MYO18A: variants seen among roughly 807,000 people sequenced by gnomAD.
MYO18A encodes the protein myosin XVIIIA.
In MYO18A, 78 loss-of-function variants were observed where a neutral mutation model predicts 235.8. The observed-to-expected ratio is 0.33, with a 90% CI of 0.28 to 0.40. MYO18A has a LOEUF of 0.40. Among genes scored for constraint, MYO18A ranks in the 10% least tolerant of loss-of-function variants. The pLI is 1.00. For missense variants in MYO18A, 2,215 were observed against 2,699.3 expected, an observed-to-expected ratio of 0.82 and a Z score of 3.98; for synonymous variants, 977 against 1,077.8, an observed-to-expected ratio of 0.91 and a Z score of 1.83.
chr17:29,162,722 C>A (rs1360491976), intron 2 of MYO18A, among the ~76,000 whole-genome samples: 1 of 152,212 alleles, frequency 6.6e-6, no homozygotes, highest in African/African-American at 2.4e-5. Context: ...AAGTGCTCAA[C>A]AAATGCTTCC....
rs2066781330 is a variant in MYO18A, at chr17:29,106,210, G to A, written c.3441+870C>T. Reference sequence around the variant, plus strand: ...GGTACTGGTGTAGCCACAGGTGGGAGGCTGGAATGGAGGCTGAGGGCCTGT... The same window carrying A: ...GGTACTGGTGTAGCCACAGGTGGGAAGCTGGAATGGAGGCTGAGGGCCTGT... On this transcript the variant is annotated intron_variant, in intron 20 of 41. Coordinates refer to ENST00000527372, the MANE Select transcript of MYO18A (RefSeq NM_078471.4). The surrounding 1 kb of genome is among the most constrained non-coding windows in gnomAD (Gnocchi z 4.6). Among the ~76,000 whole-genome samples the A allele has an allele frequency of 6.6e-6, 1 of 152,158 alleles. No homozygotes were observed. The highest frequency in any genetic ancestry group is 1.5e-5 in the Non-Finnish European group (1 of 68,026).
At position 29,118,312 on chromosome 17, in the gene MYO18A, C is replaced by A; in HGVS notation, c.1893+65G>T. The A allele has an allele frequency of 6.4e-7, 1 of 1,567,172 alleles. No homozygotes were observed. The highest frequency in any genetic ancestry group is 8.7e-7 in the Non-Finnish European group (1 of 1,149,842). Reference sequence around the variant, plus strand: ...CTGGGCTCCCACTATTCCCACAGGACCCATGGAGGCTTCTCCTACCCCCAA... The same window carrying A: ...CTGGGCTCCCACTATTCCCACAGGAACCATGGAGGCTTCTCCTACCCCCAA... On this transcript the variant is annotated intron_variant, in intron 9 of 41. Transcript: ENST00000527372. This position sits in a 1 kb window ranked among gnomAD's most constrained non-coding sequence, Gnocchi z 4.2.
At chr17:29,114,384 A>C (rs2067006565) in intron 14 of MYO18A, 1 of 387,826 alleles carries the variant, frequency 2.6e-6, no homozygotes. Context: ...AATTTCACAC[A>C]ATCATCCTTG....
At chr17:29,076,298 C>T (rs1012878244) in intron 41 of MYO18A, 2 of 141,298 alleles carry the variant, frequency 1.4e-5, no homozygotes, top group Non-Finnish European at 3.0e-5. Flanking sequence ...AGACTTTGGA[C>T]GACTTCACCC....
Position 29,082,448 on chromosome 17 carries a change from TGAG to T in MYO18A, c.5898-13_5898-11del. 1 of 1,611,112 alleles carries T rather than the reference TGAG, an allele frequency of 6.2e-7. No individual in the cohort carries two copies. Among genetic ancestry groups the T allele is most frequent in the Non-Finnish European group, 8.5e-7 (1 of 1,179,036 alleles). On this transcript the variant is annotated splice_polypyrimidine_tract_variant and intron_variant, in intron 40 of 41. Coordinates refer to ENST00000527372, the MANE Select transcript of MYO18A (RefSeq NM_078471.4). ...ATCAGAGTCTCCCTCACTGTAGGGA[TGAG>T]GAGCAGAAAGGTAGACAAGGCATAG...
At chr17:29,101,682 G>A (rs1482205118) in intron 21 of MYO18A, among the ~76,000 whole-genome samples, 2 of 152,182 alleles carry the variant, frequency 1.3e-5, no homozygotes, top group African/African-American at 4.8e-5. Context: ...TCCCGCCGGA[G>A]GACAGCAAAC....
chr17:29,093,085 T>C, intron 32 of MYO18A, 84 bp from the exon 33 acceptor site: 2 of 1,493,650 alleles, frequency 1.3e-6, no homozygotes, highest in Non-Finnish European at 1.8e-6. Context: ...CACCACGTCC[T>C]CATTATCAGT....
In MYO18A at chr17:29,158,046, A is replaced by C. The variant is rs1199545829; in HGVS notation, c.999+7896T>G. The stretch of plus-strand genomic sequence containing the variant: ...TAGGCTCAAGCGATCTGCCCACCTC[A>C]GCCTCCCAAAGTGCTGGGATTATAG... On this transcript the variant is annotated intron_variant, in intron 2 of 41. Coordinates refer to ENST00000527372, the MANE Select transcript of MYO18A (RefSeq NM_078471.4). This position sits in a 1 kb window ranked among gnomAD's most constrained non-coding sequence, Gnocchi z 4.3. Among the ~76,000 whole-genome samples, 1 of 152,148 alleles carries C rather than the reference A, an allele frequency of 6.6e-6. No individual in the cohort carries two copies. Among genetic ancestry groups the C allele is most frequent in the African/African-American group, 2.4e-5 (1 of 41,416 alleles).
chr17:29,166,685 T>G lies in MYO18A; in HGVS notation c.256A>C (p.Asn86His), dbSNP rs1567645521. ...GAGTCCAGGATGACGCTGCCCCGGT[T>G]ACTATCGGAGTCAATGTCAGTCAGG... The part of the protein sequence containing the change: ...LHLTDIDSDS[N>H]RGSVILDSGH... The change falls in exon 2 of 42, where the codon AAC becomes CAC. Residue 86 changes from asparagine (N) to histidine (H), a missense_variant. Transcript: ENST00000527372. 6.2e-7 allele frequency: 1 copy of G among 1,613,728 alleles called. No homozygotes were observed. Among genetic ancestry groups the G allele is most frequent in the Non-Finnish European group, 8.5e-7 (1 of 1,179,792 alleles).
chr17:29,124,510 A>G (rs1358716949), intron 2 of MYO18A: 7 of 479,354 alleles, frequency 1.5e-5, no homozygotes, highest in Non-Finnish European at 2.1e-5. Flanking sequence ...CCTCCCAGAC[A>G]CAGGGTGGGA....
intron 21 of MYO18A, among the ~76,000 whole-genome samples, chr17:29,101,104 C>T (rs904687668): frequency 2.6e-4 from 39 of 151,636 alleles, no homozygotes; most frequent in African/African-American, 9.2e-4. Context: ...CTTAAGCTAT[C>T]GTCCCACCTC....
rs1190265825 is a variant in MYO18A at position 29,118,139 on chromosome 17, G to A, written c.1944C>T (p.Ala648=). ...AAQQFSKLQA[A]MKVLGISPDE... ...CGGGGGAGATGCCCAGCACCTTCAT[G>A]GCCGCCTGCAGCTTACTAAACTGCT... Residue 648 remains alanine, a synonymous_variant, in exon 10 of 42, where the codon GCC becomes GCT. Coordinates refer to ENST00000527372, the MANE Select transcript of MYO18A (RefSeq NM_078471.4). The surrounding 1 kb of genome is among the most constrained non-coding windows in gnomAD (Gnocchi z 4.2). 5 of 1,596,840 alleles carry A rather than the reference G, an allele frequency of 3.1e-6. No individual in the cohort carries two copies. Among genetic ancestry groups the A allele is most frequent in the Non-Finnish European group, 4.3e-6 (5 of 1,171,152 alleles).
chr17:29,163,944 C>A (rs955057552), intron 2 of MYO18A, among the ~76,000 whole-genome samples: 5 of 152,242 alleles, frequency 3.3e-5, no homozygotes, highest in Non-Finnish European at 7.3e-5. Flanking sequence ...GGCTGAAGTG[C>A]AATGGCTTGA....
chr17:29,156,546 G>A (rs1296690913), intron 2 of MYO18A, among the ~76,000 whole-genome samples: 2 of 152,224 alleles, frequency 1.3e-5, no homozygotes, highest in Non-Finnish European at 2.9e-5. Context: ...GTCAGTTAGA[G>A]CAGGAGGGGT....
At chr17:29,116,589 A>G (rs1303887849) in intron 10 of MYO18A, 134 bp from the exon 11 acceptor site, 2 of 852,242 alleles carry the variant, frequency 2.3e-6, no homozygotes, top group Non-Finnish European at 3.9e-6. Flanking sequence ...AGAAAACACA[A>G]CCACAGTCAG....
intron 1 of MYO18A, among the ~76,000 whole-genome samples, chr17:29,169,797 A>T (rs2068361352): frequency 6.6e-6 from 1 of 152,014 alleles, no homozygotes. Flanking sequence ...TCCCACCAAG[A>T]CGCCCAATTC....
intron 1 of MYO18A, among the ~76,000 whole-genome samples, chr17:29,173,733 T>C (rs2068460504): frequency 6.6e-6 from 1 of 152,154 alleles, no homozygotes; most frequent in African/African-American, 2.4e-5. Flanking sequence ...TTGCACCAAC[T>C]AATGTATTTT....
In MYO18A at chr17:29,073,788, G is replaced by A. The variant is rs2065915581; in HGVS notation, c.*982C>T. The A allele has an allele frequency of 4.1e-6, 6 of 1,469,836 alleles. No individual in the cohort carries two copies. The East Asian group carries it at 9.2e-5, about 22-fold the overall frequency. 91.0% of individuals were successfully genotyped at this position (1,469,836 alleles called of 1,614,324 possible). On this transcript the variant is annotated 3_prime_UTR_variant, in exon 42 of 42. Coordinates refer to ENST00000527372, the MANE Select transcript of MYO18A (RefSeq NM_078471.4). ...ATGACACGGGCTCAGGACACAGAGT[G>A]AGGACTCATGTCTAATGAGCACCGG...
At chr17:29,100,095 G>A (rs67561831) in intron 21 of MYO18A, among the ~76,000 whole-genome samples, 22,722 of 152,226 alleles carry the variant, frequency 0.15, 2,242 homozygotes, top group East Asian at 0.55. Flanking sequence ...GGGAGGGGGC[G>A]TCCTGCCACA....
Sources: allele counts gnomAD v4.1 joint callset (sites outside exome capture counted in the v4.1 genomes callset), GRCh38; gene constraint gnomAD v4.1.1; non-coding constraint Gnocchi (gnomAD v3.1); transcripts MANE v1.5; gene names NCBI Gene and HGNC (gene_info 2026-07-23, HGNC 2026-07-21).